ALG1: variants seen among roughly 807,000 people sequenced by gnomAD.
ALG1 encodes chitobiosyldiphosphodolichol beta-mannosyltransferase.
ALG1 carries 58 observed loss-of-function variants against 55.1 expected under a neutral mutation model. The ratio of observed to expected loss-of-function variants is 1.05; its 90% CI spans 0.85 to 1.31. The LOEUF (loss-of-function observed/expected upper bound fraction) is 1.31. ALG1 is among the 50% of genes most tolerant of loss of function. ALG1 has a pLI of 0.00. For synonymous variants in ALG1, 309 were observed against 247.0 expected, an observed-to-expected ratio of 1.25 and a Z score of -2.35; for missense variants, 761 against 598.6, an observed-to-expected ratio of 1.27 and a Z score of -2.83.
intron 3 of ALG1, among the ~76,000 whole-genome samples, chr16:5,073,617 C>T (rs138156201): frequency 9.5e-4 from 144 of 152,350 alleles, no homozygotes; most frequent in African/African-American, 3.2e-3. Context: ...AGTAGCCCAT[C>T]GCCATACAGC....
chr16:5,075,469 A>C lies in ALG1; in HGVS notation c.472A>C (p.Asn158His). The C allele has an allele frequency of 6.2e-7, 1 of 1,614,178 alleles. No homozygotes were observed. Among genetic ancestry groups the C allele is most frequent in the Non-Finnish European group, 8.5e-7 (1 of 1,180,044 alleles). The change falls in exon 4 of 13, where the codon AAC (asparagine) becomes CAC (histidine). Residue 158 changes from asparagine to histidine, a missense_variant. Asn to His is a moderately conservative substitution (Grantham distance 68, BLOSUM62 1). Transcript: ENST00000262374. The stretch of plus-strand genomic sequence containing the variant: ...AAGCAAGCTCGTCATTGACTGGCAC[A>C]ACTATGGCTACTCCATCATGGGTCT... ...CGSKLVIDWH[N>H]YGYSIMGLVH...
intron 8 of ALG1, 125 bp from the exon 9 acceptor site, chr16:5,079,623 A>G: frequency 9.1e-7 from 1 of 1,103,558 alleles, no homozygotes; most frequent in South Asian, 1.3e-5. Context: ...CAGGAGGCAG[A>G]GGTTGCAGTG....
At chr16:5,082,531 G>A (rs1345917993) in intron 10 of ALG1, 28 bp from the exon 11 acceptor site, 2 of 1,608,830 alleles carry the variant, frequency 1.2e-6, no homozygotes, top group Admixed American at 1.7e-5. Flanking sequence ...AGAGACCAGT[G>A]CTCTGACCCA....
rs755601325 is a variant in ALG1 at position 5,071,958 on chromosome 16, G to T, written c.109G>T (p.Ala37Ser). The part of the protein sequence containing the change: ...RRGRAARHVV[A>S]VVLGDVGRSP... ...GGGGCGGGCGGCCCGGCATGTAGTA[G>T]CGGTGGTGCTGGGCGACGTGGGCCG... The change falls in exon 1 of 13, where the codon GCG becomes TCG. Residue 37 changes from alanine (A) to serine (S), a missense_variant. By Grantham distance (99) the Ala-to-Ser change is moderately conservative (BLOSUM62 1). Coordinates refer to ENST00000262374, the MANE Select transcript of ALG1 (RefSeq NM_019109.5). The T allele has an allele frequency of 1.4e-5, 22 of 1,589,158 alleles. No homozygotes were observed. The highest frequency in any genetic ancestry group is 1.5e-5 in the Non-Finnish European group (18 of 1,167,924).
intron 11 of ALG1, among the ~76,000 whole-genome samples, 179 bp downstream of exon 11, chr16:5,082,852 G>C (rs1957040170): frequency 6.6e-6 from 1 of 152,198 alleles, no homozygotes; most frequent in Admixed American, 6.5e-5. Flanking sequence ...CACTGAAGTA[G>C]TTGCTTCCAT....
At chr16:5,074,738 G>T (rs1275101600) in intron 3 of ALG1, among the ~76,000 whole-genome samples, 2 of 152,194 alleles carry the variant, frequency 1.3e-5, no homozygotes, top group African/African-American at 2.4e-5. Flanking sequence ...CCCGCTGAGT[G>T]GGGGTACCTC....
chr16:5,076,110 G>C (rs1005654927), intron 4 of ALG1, among the ~76,000 whole-genome samples: 1 of 152,378 alleles, frequency 6.6e-6, no homozygotes, highest in Middle Eastern at 3.4e-3. Flanking sequence ...AGAAGGGCCA[G>C]TGGTAGCAGT....
At position 5,075,380 on chromosome 16, in the gene ALG1, T is replaced by C; in HGVS notation, c.391-8T>C. 6.2e-7 allele frequency: 1 copy of C among 1,614,128 alleles called. No individual in the cohort carries two copies. Among genetic ancestry groups the C allele is most frequent in the Non-Finnish European group, 8.5e-7 (1 of 1,180,006 alleles). On this transcript the variant is annotated splice_polypyrimidine_tract_variant and splice_region_variant and intron_variant, in intron 3 of 12. Coordinates refer to ENST00000262374, the MANE Select transcript of ALG1 (RefSeq NM_019109.5). ...GTTTCCTCCCCTTCAAGTCTCTATC[T>C]TTCCTAGAACCCCCCAGGTCTGCCT...
intron 8 of ALG1, 122 bp downstream of exon 8, chr16:5,079,224 C>T (rs531157713): frequency 8.1e-5 from 110 of 1,352,434 alleles, no homozygotes; most frequent in Middle Eastern, 2.5e-4. Flanking sequence ...CTGGGGACAG[C>T]GGGGGTGGTG....
rs543744489 is a variant in ALG1 at position 5,078,174 on chromosome 16, C to T, written c.740+157C>T. 6.2e-4 allele frequency: 528 copies of T among 854,642 alleles called. 4 individuals are homozygous for T. The African/African-American group carries it at 7.5e-3, about 12-fold the overall frequency. 52.9% of individuals were successfully genotyped at this position (854,642 alleles called of 1,614,324 possible). ...TTGTAAATCAAGTTTCACTGGGACA[C>T]AACACACTCATTGCCTTCTGAGTTG... On this transcript the variant is annotated intron_variant, in intron 6 of 12. Transcript: ENST00000262374.
Position 5,083,732 on chromosome 16 carries a change from C to G in ALG1, c.1238C>G (p.Ser413Ter), listed in dbSNP as rs1180304371. Reference sequence around the variant, plus strand: ...GAAAATGGCCTGGTCTTTGAGGACTCAGAGGAACTGGCAGCTCAGCTGCAG... The same window carrying G: ...GAAAATGGCCTGGTCTTTGAGGACTGAGAGGAACTGGCAGCTCAGCTGCAG... ...HEENGLVFED[S>*]EELAAQLQML... Residue 413 changes from serine to a stop codon, truncating the protein, a stop_gained, in exon 12 of 13, where the codon TCA (serine) becomes TGA (stop). Transcript: ENST00000262374. LOFTEE classifies it high-confidence loss of function. The G allele has an allele frequency of 1.3e-6, 2 of 1,598,058 alleles. No homozygotes were observed. Among genetic ancestry groups the G allele is most frequent in the Non-Finnish European group, 1.7e-6 (2 of 1,179,794 alleles).
rs1055697 is a variant in ALG1, at chr16:5,087,021, C to G, written c.*2140C>G. ...AGTTTTTTGTTACGAGTGGAAAATG[C>G]GTATTTATAAGAATGAAGTAGTACA... is the stretch of plus-strand genomic sequence containing the variant. On this transcript the variant is annotated 3_prime_UTR_variant, in exon 13 of 13. Transcript: ENST00000262374. The G allele has an allele frequency of 3.3e-5, 5 of 152,166 alleles. No individual in the cohort carries two copies. The South Asian group carries it at 6.2e-4, about 19-fold the overall frequency. 9.4% of individuals were successfully genotyped at this position (152,166 alleles called of 1,614,324 possible).
Position 5,072,027 on chromosome 16 carries a change from G to A in ALG1, c.178G>A (p.Gly60Ser), listed in dbSNP as rs1308027979. Residue 60 changes from glycine (G) to serine (S), a missense_variant, in exon 1 of 13, where the codon GGC becomes AGC. By Grantham distance (56) the Gly-to-Ser change is moderately conservative (BLOSUM62 0). Transcript: ENST00000262374. ...QYHALSLAMHGFSVTLLGFCN... is the reference protein window; with the variant it reads ...QYHALSLAMHSFSVTLLGFCN... ...CCACGCGCTGTCGTTGGCCATGCAC[G>A]GCTTCTCGGTGACCCTCCTGGGGTT... The A allele has an allele frequency of 6.3e-7, 1 of 1,595,176 alleles. No individual in the cohort carries two copies. The highest frequency in any genetic ancestry group is 8.5e-7 in the Non-Finnish European group (1 of 1,170,510).
rs74249172 is a variant in ALG1 at position 5,079,728 on chromosome 16, G to A, written c.902-20G>A. The stretch of plus-strand genomic sequence containing the variant: ...TCTATCAGAAATTCCATGTAGAATT[G>A]TTTCTTTTTCTAAACACAGAGTTTG... On this transcript the variant is annotated intron_variant, in intron 8 of 12. Coordinates refer to ENST00000262374, the MANE Select transcript of ALG1 (RefSeq NM_019109.5). The A allele has an allele frequency of 1.4e-3, 2,254 of 1,609,364 alleles. 38 individuals carry two copies. The East Asian group carries it at 0.037, about 26-fold the overall frequency.
chr16:5,073,281 C>A, intron 3 of ALG1, 25 bp downstream of exon 3: 1 of 1,594,082 alleles, frequency 6.3e-7, no homozygotes, highest in Non-Finnish European at 8.6e-7. Context: ...CTGCCTCCCT[C>A]TGTGAGAGCC....
At chr16:5,082,743 AG>A in intron 11 of ALG1, 70 bp downstream of exon 11, 1 of 1,580,886 alleles carries the variant, frequency 6.3e-7, no homozygotes. Flanking sequence ...AGCAGTGCAG[AG>A]GGAGCTGCCC....
intron 3 of ALG1, among the ~76,000 whole-genome samples, 173 bp from the exon 4 acceptor site, chr16:5,075,215 T>C (rs1956888021): frequency 6.6e-6 from 1 of 152,212 alleles, no homozygotes; most frequent in Non-Finnish European, 1.5e-5. Flanking sequence ...ATTCTGTTTC[T>C]TTTATGACTT....
chr16:5,071,923 G>A lies in ALG1; in HGVS notation c.74G>A (p.Arg25His). The A allele has an allele frequency of 6.3e-7, 1 of 1,593,552 alleles. No homozygotes were observed. The highest frequency in any genetic ancestry group is 2.3e-5 in the East Asian group (1 of 43,678). Residue 25 changes from arginine (R) to histidine (H), a missense_variant, in exon 1 of 13, where the codon CGC becomes CAC. Transcript: ENST00000262374. ...LPLLLLGGWK[R>H]WRRGRAARHV... ...CTGCTGCTGCTGGGAGGATGGAAGC[G>A]CTGGCGCCGGGGGCGGGCGGCCCGG...
intron 9 of ALG1, 138 bp from the exon 10 acceptor site, chr16:5,080,808 G>A (rs1189494436): frequency 3.2e-6 from 4 of 1,234,938 alleles, no homozygotes; most frequent in Non-Finnish European, 4.6e-6. Context: ...GGAAGGGCCC[G>A]GATGGGGCCT....
Sources: gnomAD v4.1 joint callset for allele counts (sites outside exome capture counted in the v4.1 genomes callset) on GRCh38, gnomAD v4.1.1 for gene constraint, MANE v1.5 for transcripts, NCBI Gene and HGNC (gene_info 2026-07-23, HGNC 2026-07-21) for gene names.